Variants in SLC35D2 observed in about 807,000 individuals in gnomAD.
SLC35D2 encodes the protein nucleotide sugar transporter SLC35D2.
A neutral mutation model predicts 41.8 loss-of-function variants in SLC35D2; 43 were observed. The ratio of observed to expected loss-of-function variants is 1.03; its 90% confidence interval spans 0.81 to 1.33. The LOEUF is 1.33. Among genes scored for constraint, SLC35D2 ranks in the 40% most tolerant of loss-of-function variants. The pLI is 0.00. For synonymous variants in SLC35D2, 150 were observed against 163.9 expected (o/e 0.92, Z 0.65); for missense variants, 380 against 408.4 (o/e 0.93, Z 0.60).
chr9:96,337,329 T>C (rs1315730402), intron 8 of SLC35D2, among the ~76,000 whole-genome samples: 3 of 152,006 alleles, frequency 2.0e-5, no homozygotes, highest in Non-Finnish European at 4.4e-5. Flanking sequence ...TCCTCCCACC[T>C]CAGTCTCCTG....
chr9:96,343,767 T>G, intron 8 of SLC35D2, 137 bp downstream of exon 8: 1 of 531,460 alleles, frequency 1.9e-6, no homozygotes, highest in Non-Finnish European at 3.3e-6. Context: ...ACTAGGGATA[T>G]CAAACATCTT....
intron 9 of SLC35D2, among the ~76,000 whole-genome samples, chr9:96,328,407 C>T (rs185773248): frequency 9.9e-5 from 15 of 152,252 alleles, no homozygotes; most frequent in Non-Finnish European, 1.5e-4. Context: ...TGAGCCACCA[C>T]GCCCAGCGTG....
chr9:96,353,988 G>C (rs942565289), intron 4 of SLC35D2, among the ~76,000 whole-genome samples: 1 of 152,178 alleles, frequency 6.6e-6, no homozygotes, highest in African/African-American at 2.4e-5. Context: ...TGCATCCAGA[G>C]AGCAGCTGCA....
At chr9:96,373,878 T>C (rs1001374565) in intron 1 of SLC35D2, 3 of 152,130 alleles carry the variant, frequency 2.0e-5, no homozygotes, top group Non-Finnish European at 4.4e-5. Context: ...GTAGATTATT[T>C]TAGGAAGTTG....
chr9:96,365,792 T>A (rs1243295748), intron 2 of SLC35D2, among the ~76,000 whole-genome samples: 1 of 152,184 alleles, frequency 6.6e-6, no homozygotes, highest in Admixed American at 6.5e-5. Context: ...TATTATGAAA[T>A]AAAAATTTAA....
intron 5 of SLC35D2, among the ~76,000 whole-genome samples, chr9:96,351,511 TA>T (rs1413611417): frequency 6.6e-6 from 1 of 152,006 alleles, no homozygotes; most frequent in African/African-American, 2.4e-5. Context: ...TACAAGGGCT[TA>T]AAACACTGAA....
At chr9:96,383,291 G>C (rs1831286581) in intron 1 of SLC35D2, among the ~76,000 whole-genome samples, 186 bp downstream of exon 1, 1 of 152,160 alleles carries the variant, frequency 6.6e-6, no homozygotes, top group African/African-American at 2.4e-5. Context: ...ACTTTCTCAG[G>C]TTGTGGCCTG....
chr9:96,372,637 T>A (rs1830756652), intron 1 of SLC35D2, among the ~76,000 whole-genome samples: 1 of 135,168 alleles, frequency 7.4e-6, no homozygotes, highest in Admixed American at 8.6e-5. Context: ...CAGGCTGGAG[T>A]GCAGTGGCAT....
intron 1 of SLC35D2, among the ~76,000 whole-genome samples, chr9:96,377,139 G>A (rs1376156742): frequency 6.6e-6 from 1 of 151,728 alleles, no homozygotes; most frequent in Non-Finnish European, 1.5e-5. Context: ...GAGGAGGCCT[G>A]GGGAAGCCAA....
chr9:96,338,057 A>G (rs1049158466), intron 8 of SLC35D2, among the ~76,000 whole-genome samples: 2 of 151,716 alleles, frequency 1.3e-5, no homozygotes, highest in East Asian at 3.9e-4. Flanking sequence ...AATAAAATTA[A>G]CCCTCTTGAG....
chr9:96,316,355 G>C (rs1313923126), downstream of SLC35D2, among the ~76,000 whole-genome samples: 1 of 152,046 alleles, frequency 6.6e-6, no homozygotes, highest in Non-Finnish European at 1.5e-5. Flanking sequence ...ACAAAAATTA[G>C]CCAGGCATGG....
intron 1 of SLC35D2, among the ~76,000 whole-genome samples, chr9:96,376,573 C>T (rs1186977578): frequency 6.6e-6 from 1 of 152,118 alleles, no homozygotes; most frequent in African/African-American, 2.4e-5. Flanking sequence ...CGTGCCATTG[C>T]ACTCCAGCCT....
At chr9:96,375,260 C>T (rs1336006592) in intron 1 of SLC35D2, among the ~76,000 whole-genome samples, 1 of 151,704 alleles carries the variant, frequency 6.6e-6, no homozygotes, top group Non-Finnish European at 1.5e-5. Flanking sequence ...TTATAATAAT[C>T]ACAACAGAAT....
At chr9:96,326,407 C>G (rs1828528772) in intron 9 of SLC35D2, among the ~76,000 whole-genome samples, 1 of 152,124 alleles carries the variant, frequency 6.6e-6, no homozygotes, top group Non-Finnish European at 1.5e-5. Context: ...AGTTAATAAG[C>G]CATTTATCAA....
At position 96,324,153 on chromosome 9, in the gene SLC35D2, A is replaced by G; in HGVS notation, c.769T>C (p.Ser257Pro). The G allele has an allele frequency of 6.2e-7, 1 of 1,613,876 alleles. No individual in the cohort carries two copies. The highest frequency in any genetic ancestry group is 8.5e-7 in the Non-Finnish European group (1 of 1,179,834). The stretch of plus-strand genomic sequence containing the variant: ...TTGTAATAGCTGCACAGAACCGTGG[A>G]GTACATCAGCAGAAACCTGTGACAA... ...SCFLGFLLMY[S>P]TVLCSYYNSA... The change falls in exon 10 of 12, where the codon TCC (serine) becomes CCC (proline). Residue 257 changes from serine (S) to proline (P), a missense_variant. Transcript: ENST00000253270.
At chr9:96,342,103 C>A (rs908256953) in intron 8 of SLC35D2, among the ~76,000 whole-genome samples, 2 of 151,582 alleles carry the variant, frequency 1.3e-5, no homozygotes, top group Non-Finnish European at 2.9e-5. Flanking sequence ...CATAATTTTT[C>A]TTTTTATCTT....
intron 9 of SLC35D2, among the ~76,000 whole-genome samples, chr9:96,332,983 C>T (rs2130867898): frequency 6.6e-6 from 1 of 150,586 alleles, no homozygotes; most frequent in South Asian, 2.1e-4. Context: ...ACTGCAACCT[C>T]CAACTCTGTG....
Position 96,328,063 on chromosome 9 carries a change from C to G in SLC35D2, c.753-3894G>C, listed in dbSNP as rs1030992496. Among the ~76,000 whole-genome samples the G allele has an allele frequency of 2.0e-5, 3 of 152,188 alleles. No homozygotes were observed. The East Asian group carries it at 5.8e-4, about 29-fold the overall frequency. ...ACTTGCATAGTTCTTTGGCCAAAACCAAGACTTTGAACTAAAAGAACCTTC... is the reference window on the plus strand; with the variant it reads ...ACTTGCATAGTTCTTTGGCCAAAACGAAGACTTTGAACTAAAAGAACCTTC... On this transcript the variant is annotated intron_variant, in intron 9 of 11. Transcript: ENST00000253270.
rs1165819651 is a variant in SLC35D2, at chr9:96,321,210, A to G, written c.*32T>C. ...GGGAATGCCCCCCCAGCCCGCAGTC[A>G]CAAGTCAGTCTCCAATCCTGCTGCA... On this transcript the variant is annotated 3_prime_UTR_variant, in exon 12 of 12. Coordinates refer to ENST00000253270, the MANE Select transcript of SLC35D2 (RefSeq NM_007001.3). The G allele has an allele frequency of 5.2e-6, 8 of 1,532,846 alleles. No individual in the cohort carries two copies. The Admixed American group carries it at 1.2e-4, about 23-fold the overall frequency. The allele number at this position is 1,532,846 out of a possible 1,614,324, so 95.0% of individuals were successfully genotyped here. A position where few individuals can be genotyped will look rare whatever the true frequency, so the allele number is the denominator to read the frequency against.
Sources: gnomAD v4.1 joint callset for allele counts (sites outside exome capture counted in the v4.1 genomes callset) on GRCh38, gnomAD v4.1.1 for gene constraint, MANE v1.5 for transcripts, NCBI Gene and HGNC (gene_info 2026-07-23, HGNC 2026-07-21) for gene names.